Variants in MPZL3 observed in about 807,000 individuals in gnomAD.
MPZL3 encodes the protein myelin protein zero like 3, also known as myelin protein zero-like protein 3.
A neutral mutation model predicts 24.8 loss-of-function variants in MPZL3; 23 were observed. That is an observed-to-expected ratio of 0.93 (90% CI 0.67 to 1.31). The LOEUF (loss-of-function observed/expected upper bound fraction) is 1.31. Among genes scored for constraint, MPZL3 ranks in the 40% most tolerant of loss-of-function variants. The pLI is 0.00. For missense variants in MPZL3, 277 were observed against 294.9 expected, an observed-to-expected ratio of 0.94 and a Z score of 0.44; for synonymous variants, 99 against 106.5, an observed-to-expected ratio of 0.93 and a Z score of 0.44.
intron 1 of MPZL3, among the ~76,000 whole-genome samples, chr11:118,241,572 A>G (rs1191745143): frequency 6.6e-6 from 1 of 152,204 alleles, no homozygotes; most frequent in Non-Finnish European, 1.5e-5. Context: ...GTTAAAACAC[A>G]TACAACACTA....
chr11:118,245,228 G>A (rs924039346), intron 1 of MPZL3, among the ~76,000 whole-genome samples: 41 of 152,062 alleles, frequency 2.7e-4, no homozygotes, highest in Admixed American at 2.0e-3. Context: ...GCGAAACCCC[G>A]TCTCTACTAA....
intron 3 of MPZL3, among the ~76,000 whole-genome samples, chr11:118,236,445 C>A (rs186680721): frequency 6.6e-6 from 1 of 151,910 alleles, no homozygotes; most frequent in Non-Finnish European, 1.5e-5. Context: ...GAAATGATGA[C>A]GAATCTATAA....
At chr11:118,251,672 G>A (rs1371162944) in intron 1 of MPZL3, among the ~76,000 whole-genome samples, 1 of 152,102 alleles carries the variant, frequency 6.6e-6, no homozygotes, top group Admixed American at 6.5e-5. Context: ...TTATGAAAAT[G>A]CTAAAGCAGT....
In MPZL3 at chr11:118,228,998, A is replaced by T. The variant is rs11216826; in HGVS notation, c.*896T>A. 0.42 allele frequency: 63,212 copies of T among 151,708 alleles called. 15,034 individuals carry two copies. Among genetic ancestry groups the T allele is most frequent in the South Asian group, 0.72 (3,456 of 4,812 alleles). The allele number at this position is 151,708 out of a possible 1,614,324, so 9.4% of individuals were successfully genotyped here. On this transcript the variant is annotated 3_prime_UTR_variant, in exon 6 of 6. Coordinates refer to ENST00000278949, the MANE Select transcript of MPZL3 (RefSeq NM_198275.3). Reference sequence around the variant, plus strand: ...AAAAATTAGCTGGGTGTGGTGGCGCATGCCTGTAATCCCAGCTACTCGAGA... The same window carrying T: ...AAAAATTAGCTGGGTGTGGTGGCGCTTGCCTGTAATCCCAGCTACTCGAGA...
In MPZL3 at chr11:118,227,715, T is replaced by C. The variant is rs1462929414; in HGVS notation, c.*2179A>G. On this transcript the variant is annotated 3_prime_UTR_variant, in exon 6 of 6. Coordinates refer to ENST00000278949, the MANE Select transcript of MPZL3 (RefSeq NM_198275.3). ...AATTACCTCAAGTTTAGACTAGGTG[T>C]CAATCTACAAACATACTACCCTGCA... 1.3e-5 allele frequency: 2 copies of C among 152,188 alleles called. No individual in the cohort carries two copies. The highest frequency in any genetic ancestry group is 2.4e-5 in the African/African-American group (1 of 41,440). 9.4% of individuals were successfully genotyped at this position (152,188 alleles called of 1,614,324 possible).
At position 118,233,532 on chromosome 11, in the gene MPZL3, A is replaced by G. The variant is rs771297475; in HGVS notation, c.618-9T>C. The stretch of plus-strand genomic sequence containing the variant: ...CCTCCTCCTGATCAGTGCTGTAAAA[A>G]GAGGACAAACCAAATCTGAATCACC... On this transcript the variant is annotated splice_polypyrimidine_tract_variant and intron_variant, in intron 4 of 5. Coordinates refer to ENST00000278949, the MANE Select transcript of MPZL3 (RefSeq NM_198275.3). The G allele has an allele frequency of 1.9e-6, 3 of 1,613,734 alleles. No individual in the cohort carries two copies. The highest frequency in any genetic ancestry group is 2.5e-6 in the Non-Finnish European group (3 of 1,179,824).
At chr11:118,244,484 A>G (rs1949534562) in intron 1 of MPZL3, among the ~76,000 whole-genome samples, 1 of 152,194 alleles carries the variant, frequency 6.6e-6, no homozygotes, top group African/African-American at 2.4e-5. Flanking sequence ...AGATCTGAAG[A>G]AAAAGGTAAC....
intron 1 of MPZL3, among the ~76,000 whole-genome samples, chr11:118,242,760 G>A (rs956458290): frequency 1.3e-5 from 2 of 152,234 alleles, no homozygotes; most frequent in South Asian, 2.1e-4. Context: ...TCCCTGATGC[G>A]GTTCATCGCC....
chr11:118,244,915 A>G (rs1353052780), intron 1 of MPZL3, among the ~76,000 whole-genome samples: 1 of 152,122 alleles, frequency 6.6e-6, no homozygotes, highest in Non-Finnish European at 1.5e-5. Flanking sequence ...TCTCTACTAA[A>G]AATACAAAAA....
intron 5 of MPZL3, among the ~76,000 whole-genome samples, chr11:118,232,597 A>AGACATTTTTGATTGTCACAACTGGGGAG (rs1949368278): frequency 6.6e-6 from 1 of 152,044 alleles, no homozygotes; most frequent in African/African-American, 2.4e-5. Flanking sequence ...TAATATCTGA[A>AGACATTTTTGATTGTCACAACTGGGGAG]ATGTGGATAA....
intron 1 of MPZL3, among the ~76,000 whole-genome samples, chr11:118,242,169 G>C (rs1949506188): frequency 6.6e-6 from 1 of 152,188 alleles, no homozygotes; most frequent in South Asian, 2.1e-4. Flanking sequence ...AGCTGGACTT[G>C]AGTTCTAGCT....
intron 1 of MPZL3, among the ~76,000 whole-genome samples, chr11:118,247,648 G>GT (rs959707823): frequency 1.6e-4 from 24 of 151,408 alleles, no homozygotes; most frequent in Admixed American, 4.6e-4. Flanking sequence ...TTTATTTTTT[G>GT]TTTTTTTTGA....
chr11:118,241,134 T>C (rs1177057360), intron 1 of MPZL3, among the ~76,000 whole-genome samples: 4 of 152,230 alleles, frequency 2.6e-5, no homozygotes, highest in Non-Finnish European at 4.4e-5. Context: ...TTCATCTCTC[T>C]GAAAAGGGCT....
Position 118,226,788 on chromosome 11 carries a change from C to CAAAACA in MPZL3, c.*3100_*3105dup, listed in dbSNP as rs1413195324. 1 of 152,098 alleles carries CAAAACA rather than the reference C, an allele frequency of 6.6e-6. No homozygotes were observed. Among genetic ancestry groups the CAAAACA allele is most frequent in the Non-Finnish European group, 1.5e-5 (1 of 68,032 alleles). 9.4% of individuals were successfully genotyped at this position (152,098 alleles called of 1,614,324 possible). On this transcript the variant is annotated 3_prime_UTR_variant, in exon 6 of 6. Coordinates refer to ENST00000278949, the MANE Select transcript of MPZL3 (RefSeq NM_198275.3). The stretch of plus-strand genomic sequence containing the variant: ...TGGCCCAACAGTGCCTACCCTCCTA[C>CAAAACA]AAAACAAAAACAAAAACAAAAAAAG...
intron 1 of MPZL3, among the ~76,000 whole-genome samples, chr11:118,243,217 C>A (rs1804816995): frequency 6.6e-6 from 1 of 152,188 alleles, no homozygotes; most frequent in Non-Finnish European, 1.5e-5. Context: ...CTTAGCTTCC[C>A]ATTCCATGAT....
At chr11:118,231,850 A>G (rs771469755) in intron 5 of MPZL3, among the ~76,000 whole-genome samples, 60 of 152,174 alleles carry the variant, frequency 3.9e-4, no homozygotes, top group Non-Finnish European at 7.8e-4. Flanking sequence ...AACTACCAGC[A>G]TCTTCAGCTA....
chr11:118,226,725 T>C lies in MPZL3; in HGVS notation c.*3169A>G, dbSNP rs369016241. 1 of 152,214 alleles carries C rather than the reference T, an allele frequency of 6.6e-6. No individual in the cohort carries two copies. The highest frequency in any genetic ancestry group is 1.5e-5 in the Non-Finnish European group (1 of 68,034). 9.4% of individuals were successfully genotyped at this position (152,214 alleles called of 1,614,324 possible). ...GTACAAAGAAGTTTATTGACTATGA[T>C]GCAGTAAAGATACCAAGAGTTACAA... is the stretch of plus-strand genomic sequence containing the variant. On this transcript the variant is annotated 3_prime_UTR_variant, in exon 6 of 6. Coordinates refer to ENST00000278949, the MANE Select transcript of MPZL3 (RefSeq NM_198275.3).
chr11:118,247,189 TG>T (rs1949564374), intron 1 of MPZL3, among the ~76,000 whole-genome samples: 1 of 152,178 alleles, frequency 6.6e-6, no homozygotes, highest in South Asian at 2.1e-4. Flanking sequence ...AGAGCCTGAA[TG>T]ATGTACTTTA....
At chr11:118,252,005 G>A (rs141798340) in intron 1 of MPZL3, among the ~76,000 whole-genome samples, 1 of 152,266 alleles carries the variant, frequency 6.6e-6, no homozygotes, top group East Asian at 1.9e-4. Flanking sequence ...GGTCACGCAA[G>A]GTGAAAAAGC....
Sources: gnomAD v4.1 joint callset for allele counts (sites outside exome capture counted in the v4.1 genomes callset) on GRCh38, gnomAD v4.1.1 for gene constraint, MANE v1.5 for transcripts, NCBI Gene and HGNC (gene_info 2026-07-23, HGNC 2026-07-21) for gene names.